The following USH2A variants were observed in gnomAD, a reference collection of about 807,000 sequenced individuals.
USH2A encodes usherin.
Under a neutral mutation model 538.9 loss-of-function variants are expected in USH2A, and 443 were observed. The observed-to-expected ratio is 0.82, with a 90% CI of 0.76 to 0.89. USH2A has a LOEUF of 0.89. USH2A is among the 40% of genes least tolerant of loss of function. The pLI, the probability that USH2A is intolerant of heterozygous loss-of-function variation, is 0.00. For missense variants in USH2A, 6,633 were observed against 6,324.8 expected, an observed-to-expected ratio of 1.05 and a Z score of -1.65; for synonymous variants, 2,413 against 2,273.5, an observed-to-expected ratio of 1.06 and a Z score of -1.75.
chr1:215,642,737 C>G lies in USH2A; in HGVS notation c.14792-2003G>C, dbSNP rs961533802. On this transcript the variant is annotated intron_variant, in intron 67 of 71. Transcript: ENST00000307340. Reference sequence around the variant, plus strand: ...TACGCTACAACCCATCCCTTCCTAACTCTGTTCAGTGCTGTCATGTTGGTC... The same window carrying G: ...TACGCTACAACCCATCCCTTCCTAAGTCTGTTCAGTGCTGTCATGTTGGTC... Among the ~76,000 whole-genome samples, 5 of 152,246 alleles carry G rather than the reference C, an allele frequency of 3.3e-5. No homozygotes were observed. The South Asian group carries it at 8.3e-4, about 25-fold the overall frequency.
At chr1:216,326,000 G>A (rs2037725727) in intron 5 of USH2A, among the ~76,000 whole-genome samples, 1 of 152,128 alleles carries the variant, frequency 6.6e-6, no homozygotes, top group Admixed American at 6.5e-5. Context: ...GAGAGTTATA[G>A]ATAATGTTTT....
At chr1:215,784,445 C>T (rs530665615) in intron 52 of USH2A, among the ~76,000 whole-genome samples, 2 of 152,204 alleles carry the variant, frequency 1.3e-5, no homozygotes, top group South Asian at 4.1e-4. Context: ...CCCACATTAC[C>T]ATTTCAAATC....
intron 47 of USH2A, among the ~76,000 whole-genome samples, chr1:215,835,361 C>G (rs1044672371): frequency 1.3e-5 from 2 of 151,818 alleles, no homozygotes; most frequent in African/African-American, 4.8e-5. Context: ...AGTTTCCTAT[C>G]TGGAGGTGTT....
At chr1:215,851,924 T>G (rs528612838) in intron 44 of USH2A, among the ~76,000 whole-genome samples, 1 of 152,024 alleles carries the variant, frequency 6.6e-6, no homozygotes, top group Non-Finnish European at 1.5e-5. Flanking sequence ...ATAAACAGAA[T>G]TGAAAACAAA....
At chr1:215,958,123 A>G (rs957632099) in intron 37 of USH2A, among the ~76,000 whole-genome samples, 7 of 150,300 alleles carry the variant, frequency 4.7e-5, no homozygotes, top group African/African-American at 1.2e-4. Context: ...AAGAAAATAA[A>G]CGCTTCTGTA....
chr1:216,249,728 G>A (rs150520111), intron 12 of USH2A, among the ~76,000 whole-genome samples: 140 of 152,192 alleles, frequency 9.2e-4, no homozygotes, highest in Non-Finnish European at 1.8e-3. Context: ...AAATTGAAAC[G>A]CTTGTCTAGC....
At chr1:215,812,911 T>C (rs563627324) in intron 49 of USH2A, among the ~76,000 whole-genome samples, 96 of 152,280 alleles carry the variant, frequency 6.3e-4, no homozygotes, top group African/African-American at 2.3e-3. Flanking sequence ...ATACTTATAT[T>C]CACATTTTAG....
chr1:215,957,586 A>G (rs528238905), intron 37 of USH2A, among the ~76,000 whole-genome samples: 42 of 152,288 alleles, frequency 2.8e-4, no homozygotes, highest in Admixed American at 7.2e-4. Context: ...CTAAAAATAT[A>G]TGCTCTGAAA....
chr1:216,170,309 T>C (rs539252755), intron 21 of USH2A, among the ~76,000 whole-genome samples: 31 of 152,274 alleles, frequency 2.0e-4, no homozygotes, highest in African/African-American at 7.5e-4. Flanking sequence ...GCATTTTAGT[T>C]CAACCATTTT....
At chr1:215,760,459 G>A (rs1400168663) in intron 56 of USH2A, among the ~76,000 whole-genome samples, 1 of 151,788 alleles carries the variant, frequency 6.6e-6, no homozygotes, top group African/African-American at 2.4e-5. Context: ...TCTTCATTCA[G>A]TATGGGTTTT....
intron 67 of USH2A, among the ~76,000 whole-genome samples, chr1:215,642,144 G>A (rs1227009063): frequency 2.6e-5 from 4 of 152,332 alleles, no homozygotes; most frequent in Non-Finnish European, 5.9e-5. Context: ...AAAAGAGTAA[G>A]CAATTAAAAT....
In USH2A at chr1:215,965,409, C is replaced by T. The variant is rs150318738; in HGVS notation, c.7028G>A (p.Arg2343Gln). The T allele has an allele frequency of 6.2e-6, 10 of 1,613,662 alleles. No individual in the cohort carries two copies. The highest frequency in any genetic ancestry group is 2.2e-5 in the East Asian group (1 of 44,896). Residue 2343 changes from arginine (R) to glutamine (Q), a missense_variant, in exon 37 of 72, where the codon CGG becomes CAG. Transcript: ENST00000307340. The part of the protein sequence containing the change: ...VNVFVKTQGS[R>Q]KAHVRWEAPF... ...TGCTTCCCACCTCACGTGGGCTTTCCGGGATCCCTGTGTTTTGACAAACAC... is the reference window on the plus strand; with the variant it reads ...TGCTTCCCACCTCACGTGGGCTTTCTGGGATCCCTGTGTTTTGACAAACAC...
At chr1:215,659,560 C>CT (rs34687699) in intron 64 of USH2A, among the ~76,000 whole-genome samples, 2 of 151,832 alleles carry the variant, frequency 1.3e-5, no homozygotes, top group South Asian at 2.1e-4. Context: ...TTAAATTTTA[C>CT]TTTTTTTTGT....
intron 20 of USH2A, among the ~76,000 whole-genome samples, chr1:216,183,395 T>C (rs1049124696): frequency 2.6e-5 from 4 of 152,022 alleles, no homozygotes; most frequent in African/African-American, 9.7e-5. Context: ...AAAAAGCAGT[T>C]TGGCATTCAG....
intron 56 of USH2A, among the ~76,000 whole-genome samples, chr1:215,760,282 T>C (rs1660942660): frequency 6.6e-6 from 1 of 152,178 alleles, no homozygotes; most frequent in Non-Finnish European, 1.5e-5. Context: ...TCTCTGGCTA[T>C]GCCTCTGGCC....
chr1:215,681,240 C>T (rs2797238), intron 61 of USH2A, among the ~76,000 whole-genome samples: 19,048 of 151,894 alleles, frequency 0.13, 1,289 homozygotes, highest in Non-Finnish European at 0.15. Context: ...GTGCTCTTTC[C>T]ACATCTGGAC....
In USH2A at chr1:216,175,394, T is replaced by C; in HGVS notation, c.4485A>G (p.Gly1495=). 6.2e-7 allele frequency: 1 copy of C among 1,613,656 alleles called. No individual in the cohort carries two copies. The highest frequency in any genetic ancestry group is 1.3e-5 in the African/African-American group (1 of 74,972). ...LRWFPPEELN[G]PSPIYQLERR... The stretch of plus-strand genomic sequence containing the variant: ...TTTCCAGCTGATATATAGGAGAGGG[T>C]CCATTCAGTTCTTCAGGTGGAAACC... Residue 1495 remains glycine, a synonymous_variant, in exon 21 of 72, where the codon GGA becomes GGG. Transcript: ENST00000307340.
At chr1:215,842,916 C>T (rs1380033693) in intron 46 of USH2A, among the ~76,000 whole-genome samples, 1 of 151,690 alleles carries the variant, frequency 6.6e-6, no homozygotes, top group African/African-American at 2.4e-5. Context: ...CCATGGCATA[C>T]GTTTACCTAG....
chr1:215,726,643 T>C (rs1010047510), intron 61 of USH2A, among the ~76,000 whole-genome samples: 1 of 152,222 alleles, frequency 6.6e-6, no homozygotes, highest in African/African-American at 2.4e-5. Context: ...TTTTTATAAA[T>C]GCTTTAGTTT....
Sources: allele counts gnomAD v4.1 joint callset (sites outside exome capture counted in the v4.1 genomes callset), GRCh38; gene constraint gnomAD v4.1.1; transcripts MANE v1.5; gene names NCBI Gene and HGNC (gene_info 2026-07-23, HGNC 2026-07-21).